The following MRPS6 variants were observed in gnomAD, a reference collection of about 807,000 sequenced individuals.
MRPS6 encodes small ribosomal subunit protein bS6m.
In MRPS6, 6 loss-of-function variants were observed where a neutral mutation model predicts 13.1. The ratio of observed to expected loss-of-function variants is 0.46; its 90% confidence interval spans 0.25 to 0.91. The LOEUF is 0.91. MRPS6 is among the 40% of genes least tolerant of loss of function. The pLI is 0.18. For missense variants in MRPS6, 164 were observed against 155.6 expected (o/e 1.05, Z -0.29); for synonymous variants, 61 against 56.5 (o/e 1.08, Z -0.36).
rs1189056062 is a variant in MRPS6 at position 34,125,356 on chromosome 21, A to G, written c.61A>G (p.Thr21Ala). The change falls in exon 2 of 3, where the codon ACT (threonine) becomes GCT (alanine). Residue 21 changes from threonine (T) to alanine (A), a missense_variant. Physicochemically the swap from Thr to Ala is moderately conservative, Grantham distance 58. Coordinates refer to ENST00000399312, the MANE Select transcript of MRPS6 (RefSeq NM_032476.4). ...KAMQRPETAA[T>A]LKRTIEALMD... The stretch of plus-strand genomic sequence containing the variant: ...ACAAAAACAGCCAGAGACTGCTGCT[A>G]CTTTGAAACGTACGATAGAGGCCCT... The G allele has an allele frequency of 1.9e-6, 3 of 1,611,478 alleles. No homozygotes were observed. The highest frequency in any genetic ancestry group is 2.5e-6 in the Non-Finnish European group (3 of 1,179,280).
At chr21:34,076,050 A>G (rs1323297051) in intron 1 of MRPS6, among the ~76,000 whole-genome samples, 2 of 152,204 alleles carry the variant, frequency 1.3e-5, no homozygotes, top group Admixed American at 6.5e-5. Context: ...ATACCTCTTT[A>G]CCCCTTTAAT....
rs73359088 is a variant in MRPS6, at chr21:34,132,108, G to T, written c.185+6628G>T. On this transcript the variant is annotated intron_variant, in intron 2 of 2. Coordinates refer to ENST00000399312, the MANE Select transcript of MRPS6 (RefSeq NM_032476.4). ...TGTACTTGGGTCACTGAAGCAGGCA[G>T]AGATTGACTTTATCCTGGACTTCTG... Among the ~76,000 whole-genome samples, 752 of 152,368 alleles carry T rather than the reference G, an allele frequency of 4.9e-3. 4 individuals carry two copies. The highest frequency in any genetic ancestry group is 0.017 in the African/African-American group (704 of 41,586).
Position 34,096,710 on chromosome 21 carries a change from C to T in MRPS6, c.45+22965C>T. The T allele has an allele frequency of 6.2e-7, 1 of 1,614,058 alleles. No homozygotes were observed. Among genetic ancestry groups the T allele is most frequent in the South Asian group, 1.1e-5 (1 of 91,084 alleles). ...GTGACCAACCTGATAATAGGCCGGG[C>T]TTCATCAAAGACATCCATTATATGT... On this transcript the variant is annotated intron_variant, in intron 1 of 2. Transcript: ENST00000399312. The surrounding 1 kb of genome is among the most constrained non-coding windows in gnomAD (Gnocchi z 5.9).
rs76820637 is a variant in MRPS6, at chr21:34,117,596, C to T, written c.46-7745C>T. ...ACCCTTTTGGAGATGGGCTTCCTAG[C>T]GAGCAGCTTGGACATACTTGTCTTG... On this transcript the variant is annotated intron_variant, in intron 1 of 2. Coordinates refer to ENST00000399312, the MANE Select transcript of MRPS6 (RefSeq NM_032476.4). Among the ~76,000 whole-genome samples the T allele has an allele frequency of 1.9e-3, 293 of 152,190 alleles. 1 individual carries two copies. The highest frequency in any genetic ancestry group is 6.6e-3 in the African/African-American group (274 of 41,514).
At position 34,096,200 on chromosome 21, in the gene MRPS6, G is replaced by C. The variant is rs1258367333; in HGVS notation, c.45+22455G>C. 6.2e-7 allele frequency: 1 copy of C among 1,614,198 alleles called. No homozygotes were observed. The highest frequency in any genetic ancestry group is 2.2e-5 in the East Asian group (1 of 44,886). ...ATGATATAGCTTGCATCAACCCAGA[G>C]CACTGCATGCTGGTGTGTGGAAGCA... On this transcript the variant is annotated intron_variant, in intron 1 of 2. Coordinates refer to ENST00000399312, the MANE Select transcript of MRPS6 (RefSeq NM_032476.4). This position sits in a 1 kb window ranked among gnomAD's most constrained non-coding sequence, Gnocchi z 5.9.
At chr21:34,098,373 C>T in intron 1 of MRPS6, 2 of 1,000,244 alleles carry the variant, frequency 2.0e-6, no homozygotes. Context: ...GATTGCTCTA[C>T]TTGATTAGAT....
At chr21:34,098,363 G>A (rs1403941308) in intron 1 of MRPS6, 1 of 1,000,136 alleles carries the variant, frequency 1.0e-6, no homozygotes, top group Non-Finnish European at 1.2e-6. Context: ...TTGTGTGCTG[G>A]ATTGCTCTAC....
At chr21:34,085,878 A>G (rs1168201211) in intron 1 of MRPS6, among the ~76,000 whole-genome samples, 1 of 152,180 alleles carries the variant, frequency 6.6e-6, no homozygotes, top group African/African-American at 2.4e-5. Context: ...CTGGGATTAC[A>G]GGTGTGAGCC....
chr21:34,113,713 G>A (rs984030182), intron 1 of MRPS6, among the ~76,000 whole-genome samples: 4 of 152,100 alleles, frequency 2.6e-5, no homozygotes, highest in Admixed American at 2.0e-4. Context: ...TTTTGTCAAA[G>A]TCCATGTTTG....
intron 1 of MRPS6, among the ~76,000 whole-genome samples, chr21:34,085,722 C>T (rs749498744): frequency 2.0e-5 from 3 of 151,852 alleles, no homozygotes; most frequent in Non-Finnish European, 4.4e-5. Context: ...CCTGCCTCAG[C>T]CCCAGCTGGG....
chr21:34,114,310 A>G (rs1979818372), intron 1 of MRPS6, among the ~76,000 whole-genome samples: 2 of 152,190 alleles, frequency 1.3e-5, no homozygotes, highest in African/African-American at 2.4e-5. Flanking sequence ...CAAGACTCCA[A>G]TATTATTGGT....
intron 1 of MRPS6, among the ~76,000 whole-genome samples, chr21:34,117,283 C>T (rs1979956821): frequency 6.6e-6 from 1 of 152,124 alleles, no homozygotes; most frequent in African/African-American, 2.4e-5. Context: ...TTTCTCCCTT[C>T]CTTTCGTCTG....
chr21:34,082,647 A>G (rs1989485342), intron 1 of MRPS6, among the ~76,000 whole-genome samples: 1 of 152,164 alleles, frequency 6.6e-6, no homozygotes, highest in Admixed American at 6.5e-5. Flanking sequence ...ATTATAGAGG[A>G]GGGAGGTGAT....
intron 1 of MRPS6, among the ~76,000 whole-genome samples, chr21:34,120,568 T>A (rs1278389120): frequency 1.3e-5 from 2 of 152,202 alleles, no homozygotes; most frequent in African/African-American, 2.4e-5. Context: ...TATAAAAAAT[T>A]AGCTTTAATT....
intron 2 of MRPS6, among the ~76,000 whole-genome samples, chr21:34,141,055 A>G (rs1980890875): frequency 6.6e-6 from 1 of 152,286 alleles, no homozygotes; most frequent in South Asian, 2.1e-4. Flanking sequence ...CCCTTTTCTC[A>G]TAAGTTCCTT....
intron 1 of MRPS6, among the ~76,000 whole-genome samples, chr21:34,078,779 A>C (rs1989392263): frequency 6.6e-6 from 1 of 152,258 alleles, no homozygotes; most frequent in Non-Finnish European, 1.5e-5. Flanking sequence ...AACAAATGAT[A>C]AAATACTGTG....
At chr21:34,078,204 CTT>C (rs1989378866) in intron 1 of MRPS6, among the ~76,000 whole-genome samples, 1 of 152,014 alleles carries the variant, frequency 6.6e-6, no homozygotes, top group African/African-American at 2.4e-5. Context: ...AATAATCTCT[CTT>C]TGTGTTTTAT....
chr21:34,102,790 C>A, intron 1 of MRPS6: 8 of 1,000,044 alleles, frequency 8.0e-6, no homozygotes, highest in Non-Finnish European at 9.6e-6. Flanking sequence ...AGCACTATAA[C>A]ATAATTGTTG....
chr21:34,083,163 T>C (rs2148654155), intron 1 of MRPS6, among the ~76,000 whole-genome samples: 1 of 152,348 alleles, frequency 6.6e-6, no homozygotes, highest in Admixed American at 6.5e-5. Context: ...AGAAACCAAG[T>C]GCAGTTATGG....
Sources: gnomAD v4.1 joint callset for allele counts (sites outside exome capture counted in the v4.1 genomes callset) on GRCh38, gnomAD v4.1.1 for gene constraint, Gnocchi (gnomAD v3.1) non-coding constraint, MANE v1.5 for transcripts, NCBI Gene and HGNC (gene_info 2026-07-23, HGNC 2026-07-21) for gene names.